The following TCF20 variants were observed in gnomAD, a reference collection of about 807,000 sequenced individuals.
TCF20 encodes transcription factor 20, also known as SPRE-binding protein.
Under a neutral mutation model 148.6 loss-of-function variants are expected in TCF20, and 3 were observed. The observed-to-expected ratio is 0.02, with a 90% CI of 0.01 to 0.05. TCF20 has a LOEUF of 0.05. Among genes scored for constraint, TCF20 ranks in the 10% least tolerant of loss-of-function variants. The pLI is 1.00. For missense variants in TCF20, 2,350 were observed against 2,429.3 expected (o/e 0.97, Z 0.69); for synonymous variants, 1,049 against 909.5 (o/e 1.15, Z -2.76).
chr22:42,179,722 C>G lies in TCF20; in HGVS notation c.5656-20G>C, dbSNP rs1488966653. 5.1e-6 allele frequency: 8 copies of G among 1,569,862 alleles called. No homozygotes were observed. Among genetic ancestry groups the G allele is most frequent in the Admixed American group, 1.7e-5 (1 of 59,926 alleles). ...ACATTTCTGAAAGGAAGGGAAAAGT[C>G]AGGCATGTCAGTATCCCAGATTTGG... On this transcript the variant is annotated intron_variant, in intron 2 of 5. Transcript: ENST00000677622.
chr22:42,328,248 G>A (rs1016779428), intron 1 of TCF20, among the ~76,000 whole-genome samples: 3 of 151,912 alleles, frequency 2.0e-5, no homozygotes, highest in Non-Finnish European at 1.5e-5. Flanking sequence ...CAGCCAGACT[G>A]GACACAGCCT....
chr22:42,258,361 G>A (rs1925855153), intron 1 of TCF20, among the ~76,000 whole-genome samples: 1 of 151,888 alleles, frequency 6.6e-6, no homozygotes, highest in Non-Finnish European at 1.5e-5. Flanking sequence ...ACACACCTCT[G>A]CTCGCACCTC....
At chr22:42,184,693 G>C (rs556041518) in intron 2 of TCF20, among the ~76,000 whole-genome samples, 7 of 152,218 alleles carry the variant, frequency 4.6e-5, no homozygotes, top group South Asian at 4.1e-4. Context: ...CTCCAAGCAT[G>C]ATTTCTAAAT....
intron 1 of TCF20, among the ~76,000 whole-genome samples, chr22:42,227,508 C>T (rs937960616): frequency 1.5e-4 from 23 of 152,154 alleles, no homozygotes; most frequent in Non-Finnish European, 1.9e-4. Flanking sequence ...CCATAACCAG[C>T]ATACAAGCCT....
At chr22:42,287,290 C>A (rs1395313541), upstream of TCF20, among the ~76,000 whole-genome samples, 1 of 152,046 alleles carries the variant, frequency 6.6e-6, no homozygotes, top group Non-Finnish European at 1.5e-5. Flanking sequence ...TGAAGGCCAA[C>A]AAAGAAACCA....
At chr22:42,208,802 G>C (rs953296435) in intron 2 of TCF20, among the ~76,000 whole-genome samples, 11 of 151,238 alleles carry the variant, frequency 7.3e-5, no homozygotes, top group African/African-American at 2.2e-4. Context: ...TAGAGGGAAG[G>C]AAATTTTCAA....
At position 42,210,499 on chromosome 22, in the gene TCF20, G is replaced by A. The variant is rs758748701; in HGVS notation, c.4807C>T (p.Pro1603Ser). 3 of 1,614,216 alleles carry A rather than the reference G, an allele frequency of 1.9e-6. No homozygotes were observed. Among genetic ancestry groups the A allele is most frequent in the Non-Finnish European group, 2.5e-6 (3 of 1,180,042 alleles). ...TCAGGTTCTTGGGGTTCCACAATGG[G>A]AACTGCTTGTTTGGTTTTTCGCTTC... ...PRKRKTKQAV[P>S]IVEPQEPEIK... Residue 1603 changes from proline (P) to serine (S), a missense_variant, in exon 2 of 6, where the codon CCC (proline) becomes TCC (serine). Pro to Ser is a moderately conservative substitution (Grantham distance 74). This residue lies in a region of TCF20 where 374 missense variants were observed against 398.3 expected (regional missense o/e 0.94). Coordinates refer to ENST00000677622, the MANE Select transcript of TCF20 (RefSeq NM_001378418.1). The surrounding 1 kb of genome is among the most constrained non-coding windows in gnomAD (Gnocchi z 4.7).
At chr22:42,208,640 T>A (rs903044402) in intron 2 of TCF20, among the ~76,000 whole-genome samples, 2 of 151,340 alleles carry the variant, frequency 1.3e-5, no homozygotes, top group East Asian at 1.9e-4. Context: ...ACAAAAAAGA[T>A]TAGATGATAA....
intron 1 of TCF20, among the ~76,000 whole-genome samples, chr22:42,336,135 G>T (rs1027270400): frequency 6.6e-6 from 1 of 152,178 alleles, no homozygotes; most frequent in East Asian, 1.9e-4. Flanking sequence ...AGGATGGCAC[G>T]GCTGCAGGCA....
At chr22:42,166,310 G>T (rs952531530) in intron 5 of TCF20, among the ~76,000 whole-genome samples, 3 of 152,174 alleles carry the variant, frequency 2.0e-5, no homozygotes, top group Non-Finnish European at 4.4e-5. Context: ...GAAGCTCATT[G>T]TTCTGTTCAA....
At chr22:42,175,806 G>A (rs1030556017) in intron 3 of TCF20, among the ~76,000 whole-genome samples, 1 of 151,908 alleles carries the variant, frequency 6.6e-6, no homozygotes, top group Non-Finnish European at 1.5e-5. Flanking sequence ...GACATTTCAA[G>A]GCTACTTCAT....
chr22:42,333,561 AC>A (rs1928014925), intron 1 of TCF20, among the ~76,000 whole-genome samples: 1 of 152,222 alleles, frequency 6.6e-6, no homozygotes, highest in Admixed American at 6.5e-5. Context: ...TCGGTAAGGA[AC>A]CAGTGGTCCC....
At chr22:42,273,902 T>G, upstream of TCF20, 1 of 152,900 alleles carries the variant, frequency 6.5e-6, no homozygotes, top group Non-Finnish European at 1.5e-5. Flanking sequence ...AGGTCACTGA[T>G]TCTACTACCA....
intron 2 of TCF20, among the ~76,000 whole-genome samples, chr22:42,191,695 T>C (rs368900909): frequency 5.7e-4 from 87 of 152,228 alleles, no homozygotes; most frequent in Admixed American, 4.8e-3. Context: ...GAAAACCTTA[T>C]ATATTTTGTC....
chr22:42,326,124 G>A (rs1201171636), intron 1 of TCF20, among the ~76,000 whole-genome samples: 3 of 152,018 alleles, frequency 2.0e-5, no homozygotes, highest in African/African-American at 7.2e-5. Flanking sequence ...AGAGGAAGGA[G>A]CCATCCTCTC....
intron 2 of TCF20, among the ~76,000 whole-genome samples, chr22:42,198,039 GA>G (rs1937697631): frequency 6.6e-6 from 1 of 151,876 alleles, no homozygotes; most frequent in African/African-American, 2.4e-5. Context: ...TCTTTAAATC[GA>G]AAAATAAAAA....
chr22:42,220,461 G>T (rs754153174), intron 1 of TCF20, among the ~76,000 whole-genome samples: 3 of 152,172 alleles, frequency 2.0e-5, no homozygotes, highest in Non-Finnish European at 4.4e-5. Context: ...ACCTCCCAAA[G>T]TGCTAGAATT....
chr22:42,309,522 T>C (rs1927494651), intron 1 of TCF20, among the ~76,000 whole-genome samples: 1 of 146,646 alleles, frequency 6.8e-6, no homozygotes, highest in Non-Finnish European at 1.5e-5. Context: ...TCGCCCCCGC[T>C]GCCCCAGGCT....
At chr22:42,311,216 G>A (rs1418607895) in intron 1 of TCF20, among the ~76,000 whole-genome samples, 1 of 152,226 alleles carries the variant, frequency 6.6e-6, no homozygotes, top group Non-Finnish European at 1.5e-5. Flanking sequence ...AGGGGTCCCT[G>A]CGGGGCTGGC....
Sources: gnomAD v4.1 joint callset for allele counts (sites outside exome capture counted in the v4.1 genomes callset) on GRCh38, gnomAD v4.1.1 for gene constraint, gnomAD v4.1.1 regional missense constraint, Gnocchi (gnomAD v3.1) non-coding constraint, MANE v1.5 for transcripts, NCBI Gene and HGNC (gene_info 2026-07-23, HGNC 2026-07-21) for gene names.